Variants in ZNF831 observed in about 807,000 individuals in gnomAD.
The protein encoded by ZNF831 is zinc finger protein 831.
Under a neutral mutation model 95.8 loss-of-function variants are expected in ZNF831, and 59 were observed. The ratio of observed to expected loss-of-function variants is 0.62; its 90% CI spans 0.50 to 0.77. The LOEUF (loss-of-function observed/expected upper bound fraction) is 0.77. Among genes scored for constraint, ZNF831 ranks in the 30% least tolerant of loss-of-function variants. ZNF831 has a pLI of 0.00. For synonymous variants in ZNF831, 961 were observed against 925.5 expected (o/e 1.04, Z -0.70); for missense variants, 2,205 against 2,164.0 (o/e 1.02, Z -0.38).
rs1204574948 is a variant in ZNF831 at position 59,192,855 on chromosome 20, G to C, written c.1836G>C (p.Leu612=). ...GCAGGAAGTGCGGCCAGAGAAGGCT[G>C]AAGATGTTCTCCCAGGAGAAGTGGC... ...AGGRKCGQRR[L]KMFSQEKWQV... Residue 612 remains leucine (L), a synonymous_variant, in exon 2 of 6, where the codon CTG becomes CTC. Transcript: ENST00000371030. The surrounding 1 kb of genome is among the most constrained non-coding windows in gnomAD (Gnocchi z 5.2). The C allele has an allele frequency of 1.2e-6, 2 of 1,603,472 alleles. No individual in the cohort carries two copies. The highest frequency in any genetic ancestry group is 3.4e-5 in the Admixed American group (2 of 59,008).
At position 59,149,943 on chromosome 20, in the gene ZNF831, C is replaced by T. The variant is rs180696853; in HGVS notation, c.-1281+3569C>T. Among the ~76,000 whole-genome samples the T allele has an allele frequency of 2.3e-3, 343 of 152,366 alleles. 1 individual carries two copies. The highest frequency in any genetic ancestry group is 7.6e-3 in the African/African-American group (317 of 41,592). On this transcript the variant is annotated intron_variant, in intron 2 of 7. Transcript: ENST00000637017. ...CCTCAATGGCTGGACCCCCATCCAA[C>T]GCCAGCGCCAGCCCCCTTTGCCCCG...
At chr20:59,140,561 T>C (rs1489027999) in intron 1 of ZNF831, among the ~76,000 whole-genome samples, 1 of 152,164 alleles carries the variant, frequency 6.6e-6, no homozygotes, top group Non-Finnish European at 1.5e-5. Context: ...GTTGCAAAAA[T>C]AGTACAGAGA....
In ZNF831 at chr20:59,256,377, A is replaced by G. The variant is rs1003303408; in HGVS notation, c.*1634A>G. ...AAACATAAGAAGGGAGGTAAAAAGG[A>G]TGTTGGACATTGACTTAGTGTACTT... is the stretch of plus-strand genomic sequence containing the variant. On this transcript the variant is annotated 3_prime_UTR_variant, in exon 6 of 6. Coordinates refer to ENST00000371030, the MANE Select transcript of ZNF831 (RefSeq NM_178457.3). 1 of 152,240 alleles carries G rather than the reference A, an allele frequency of 6.6e-6. No homozygotes were observed. The highest frequency in any genetic ancestry group is 1.5e-5 in the Non-Finnish European group (1 of 68,046). The allele number at this position is 152,240 out of a possible 1,614,324, so 9.4% of individuals were successfully genotyped here. A position where few individuals can be genotyped will look rare whatever the true frequency, so the allele number is the denominator to read the frequency against.
At chr20:59,216,640 G>C (rs1369728277) in intron 4 of ZNF831, among the ~76,000 whole-genome samples, 1 of 152,198 alleles carries the variant, frequency 6.6e-6, no homozygotes, top group Admixed American at 6.5e-5. Context: ...GTGGGGGACA[G>C]GCACATGTGC....
At chr20:59,247,578 A>G (rs913931964) in intron 4 of ZNF831, among the ~76,000 whole-genome samples, 4 of 152,230 alleles carry the variant, frequency 2.6e-5, no homozygotes, top group Admixed American at 6.5e-5. Context: ...CCAGCTTTCT[A>G]TAAGTAATTG....
In ZNF831 at chr20:59,257,819, G is replaced by A. The variant is rs773578222; in HGVS notation, c.*3076G>A. 1 of 152,110 alleles carries A rather than the reference G, an allele frequency of 6.6e-6. No individual in the cohort carries two copies. The highest frequency in any genetic ancestry group is 2.4e-5 in the African/African-American group (1 of 41,408). The allele number at this position is 152,110 out of a possible 1,614,324, so 9.4% of individuals were successfully genotyped here. Reference sequence around the variant, plus strand: ...TTAGAGGGATGCTGTCATGAACTAAGGGAAGGGCACTGAATTTTTTTTTGC... The same window carrying A: ...TTAGAGGGATGCTGTCATGAACTAAAGGAAGGGCACTGAATTTTTTTTTGC... On this transcript the variant is annotated 3_prime_UTR_variant, in exon 6 of 6. Transcript: ENST00000371030.
At chr20:59,209,155 G>A (rs575611307) in intron 4 of ZNF831, among the ~76,000 whole-genome samples, 2 of 152,316 alleles carry the variant, frequency 1.3e-5, no homozygotes, top group African/African-American at 4.8e-5. Flanking sequence ...GTGTCTGTCT[G>A]TCTAGGATGT....
At chr20:59,128,369 C>G (rs952519384) in intron 1 of ZNF831, among the ~76,000 whole-genome samples, 1 of 152,330 alleles carries the variant, frequency 6.6e-6, no homozygotes, top group Non-Finnish European at 1.5e-5. Context: ...TCCCTGCTGT[C>G]CCTCCCCAGT....
rs61742495 is a variant in ZNF831, at chr20:59,193,184, G to C, written c.2165G>C (p.Arg722Pro). 3 of 1,577,192 alleles carry C rather than the reference G, an allele frequency of 1.9e-6. No individual in the cohort carries two copies. The highest frequency in any genetic ancestry group is 1.8e-5 in the Admixed American group (1 of 54,326). The part of the protein sequence containing the change: ...ETVARRGDSD[R>P]PRVEEAVSSP... ...GTGGCCAGGAGAGGAGACAGTGACC[G>C]ACCCAGGGTGGAAGAGGCTGTGTCA... The change falls in exon 2 of 6, where the codon CGA becomes CCA. Residue 722 changes from arginine (R) to proline (P), a missense_variant. By Grantham distance (103) the Arg-to-Pro change is moderately radical. Transcript: ENST00000371030.
rs1453637481 is a variant in ZNF831, at chr20:59,254,611, G to A, written c.4902G>A (p.Gln1634=). ...CTGTGGTTCCTTCTAAGCCAGAGCA[G>A]CCCATAGAAATTCCTGAAGCCCCTT... ...KDSVVPSKPE[Q]PIEIPEAPSK... The change falls in exon 6 of 6, where the codon CAG becomes CAA. Residue 1634 remains glutamine, a synonymous_variant. Coordinates refer to ENST00000371030, the MANE Select transcript of ZNF831 (RefSeq NM_178457.3). This position sits in a 1 kb window ranked among gnomAD's most constrained non-coding sequence, Gnocchi z 4.5. The A allele has an allele frequency of 1.9e-6, 3 of 1,614,028 alleles. No individual in the cohort carries two copies. The highest frequency in any genetic ancestry group is 2.5e-6 in the Non-Finnish European group (3 of 1,180,036).
intron 1 of ZNF831, among the ~76,000 whole-genome samples, chr20:59,127,099 A>G (rs954350110): frequency 2.0e-5 from 3 of 148,378 alleles, no homozygotes; most frequent in Non-Finnish European, 3.0e-5. Flanking sequence ...TTTCAACTCC[A>G]TTCTTCCTTG....
chr20:59,125,090 C>G (rs1979129536), intron 1 of ZNF831, among the ~76,000 whole-genome samples: 1 of 152,126 alleles, frequency 6.6e-6, no homozygotes, highest in African/African-American at 2.4e-5. Context: ...TTTTCTTTGG[C>G]TGGACGTTAT....
chr20:59,238,427 C>T (rs1987124017), intron 4 of ZNF831, among the ~76,000 whole-genome samples: 1 of 152,170 alleles, frequency 6.6e-6, no homozygotes, highest in South Asian at 2.1e-4. Context: ...GTGGTCTCTG[C>T]CCACCCCTCT....
chr20:59,144,070 GTTTC>G (rs929578111), intron 1 of ZNF831, among the ~76,000 whole-genome samples: 18 of 152,066 alleles, frequency 1.2e-4, no homozygotes, highest in African/African-American at 4.3e-4. Flanking sequence ...GAGGCATTTT[GTTTC>G]TTTCTATTTC....
intron 4 of ZNF831, among the ~76,000 whole-genome samples, chr20:59,245,764 A>G (rs1254307264): frequency 6.6e-6 from 1 of 152,222 alleles, no homozygotes; most frequent in African/African-American, 2.4e-5. Context: ...AACACTGTTG[A>G]ATTCTGTACA....
chr20:59,202,597 G>A (rs59244950), intron 3 of ZNF831, among the ~76,000 whole-genome samples: 2 of 152,052 alleles, frequency 1.3e-5, no homozygotes, highest in African/African-American at 4.8e-5. Context: ...TCCCCGGGCA[G>A]GTGGTGGGGT....
At chr20:59,246,094 T>A (rs1987587837) in intron 4 of ZNF831, among the ~76,000 whole-genome samples, 1 of 152,120 alleles carries the variant, frequency 6.6e-6, no homozygotes, top group African/African-American at 2.4e-5. Flanking sequence ...CACCTCTCCC[T>A]CCGCAGTCTG....
intron 2 of ZNF831, among the ~76,000 whole-genome samples, chr20:59,195,085 C>T (rs143684337): frequency 3.3e-4 from 51 of 152,304 alleles, no homozygotes; most frequent in South Asian, 1.5e-3. Flanking sequence ...ATGAAACACT[C>T]CATCAGAGAG....
chr20:59,145,123 TGATAACCATGTGTG>T (rs1979802846), intron 1 of ZNF831, among the ~76,000 whole-genome samples: 1 of 152,246 alleles, frequency 6.6e-6, no homozygotes, highest in African/African-American at 2.4e-5. Context: ...TCATGTTCAT[TGATAACCATGTGTG>T]GCACCTTGGT....
Sources: allele counts gnomAD v4.1 joint callset (sites outside exome capture counted in the v4.1 genomes callset), GRCh38; gene constraint gnomAD v4.1.1; non-coding constraint Gnocchi (gnomAD v3.1); transcripts MANE v1.5; gene names NCBI Gene and HGNC (gene_info 2026-07-23, HGNC 2026-07-21).